The following DUSP15 variants were observed in gnomAD, a reference collection of about 807,000 sequenced individuals.
DUSP15 encodes the protein dual specificity protein phosphatase 15.
Under a neutral mutation model 26.3 loss-of-function variants are expected in DUSP15, and 23 were observed. The ratio of observed to expected loss-of-function variants is 0.87; its 90% CI spans 0.63 to 1.24. DUSP15 has a LOEUF of 1.24. Ranked by LOEUF, DUSP15 falls within the 50% of genes most tolerant of loss-of-function variation. DUSP15 has a pLI of 0.00. For synonymous variants in DUSP15, 143 were observed against 135.5 expected (o/e 1.06, Z -0.39); for missense variants, 364 against 320.6 (o/e 1.14, Z -1.03).
chr20:31,868,132 T>C (rs1362357212), intron 2 of DUSP15, among the ~76,000 whole-genome samples: 1 of 152,246 alleles, frequency 6.6e-6, no homozygotes, highest in Non-Finnish European at 1.5e-5. Flanking sequence ...CTATCTCCAC[T>C]TCCTCATTCG....
At chr20:31,846,119 GACAC>G (rs540862634), downstream of DUSP15, among the ~76,000 whole-genome samples, 118 of 108,088 alleles carry the variant, frequency 1.1e-3, 1 homozygote, top group South Asian at 0.025. Context: ...GACACACAGA[GACAC>G]ACAGACACAG....
At chr20:31,863,854 A>G in intron 5 of DUSP15, 53 bp downstream of exon 5, 1 of 1,549,996 alleles carries the variant, frequency 6.5e-7, no homozygotes, top group Non-Finnish European at 8.9e-7. Flanking sequence ...TGTTCAGCAG[A>G]GGGCACAGCC....
intron 6 of DUSP15, among the ~76,000 whole-genome samples, chr20:31,854,310 T>A (rs2062523892): frequency 6.6e-6 from 1 of 152,146 alleles, no homozygotes; most frequent in Admixed American, 6.5e-5. Context: ...GAGGCTTGAT[T>A]TTATTGTCTG....
At chr20:31,860,145 A>C (rs1293481478), downstream of DUSP15, among the ~76,000 whole-genome samples, 1 of 152,264 alleles carries the variant, frequency 6.6e-6, no homozygotes, top group African/African-American at 2.4e-5. Context: ...AGGGCCGAGC[A>C]CAATGGCTGG....
Position 31,870,135 on chromosome 20 carries a change from G to A in DUSP15, c.21+182C>T. ...AGAGGGCGGACACAGCGGGGACAGAGACGCAGGGTCAGAGAGGGGGAGACC... is the reference window on the plus strand; with the variant it reads ...AGAGGGCGGACACAGCGGGGACAGAAACGCAGGGTCAGAGAGGGGGAGACC... On this transcript the variant is annotated intron_variant, in intron 1 of 6. Transcript: ENST00000339738. This position sits in a 1 kb window ranked among gnomAD's most constrained non-coding sequence, Gnocchi z 6.6. The A allele has an allele frequency of 1.6e-6, 2 of 1,236,178 alleles. No homozygotes were observed. Among genetic ancestry groups the A allele is most frequent in the South Asian group, 7.7e-5 (2 of 25,998 alleles). The allele number at this position is 1,236,178 out of a possible 1,614,324, so 76.6% of individuals were successfully genotyped here. A position where few individuals can be genotyped will look rare whatever the true frequency, so the allele number is the denominator to read the frequency against.
intron 4 of DUSP15, 90 bp downstream of exon 4, chr20:31,864,863 A>C: frequency 1.5e-6 from 2 of 1,347,802 alleles, no homozygotes; most frequent in Non-Finnish European, 2.1e-6. Flanking sequence ...CTCTGGCCTG[A>C]GTACTTTGTC....
At chr20:31,858,595 A>G (rs1297461836), downstream of DUSP15, among the ~76,000 whole-genome samples, 1 of 152,206 alleles carries the variant, frequency 6.6e-6, no homozygotes, top group Non-Finnish European at 1.5e-5. The surrounding 1 kb of genome is among the most constrained non-coding windows in gnomAD (Gnocchi z 4.4). Context: ...GTGAGACACA[A>G]GACCCACGCA....
chr20:31,864,543 C>T (rs1600475127), intron 4 of DUSP15: 1 of 806,432 alleles, frequency 1.2e-6, no homozygotes, highest in Non-Finnish European at 1.5e-6. Flanking sequence ...TGACTCTGAT[C>T]ATGCACTCCT....
chr20:31,850,021 T>C, intron 7 of DUSP15: 1 of 899,122 alleles, frequency 1.1e-6, no homozygotes, highest in Non-Finnish European at 1.6e-6. Flanking sequence ...CTATCAGTGA[T>C]GATAAGAATT....
At chr20:31,869,643 C>T in intron 1 of DUSP15, 46 bp from the exon 2 acceptor site, 1 of 1,608,580 alleles carries the variant, frequency 6.2e-7, no homozygotes, top group Non-Finnish European at 8.5e-7. Flanking sequence ...GGCTGCACCC[C>T]CTTCCACCCC....
intron 6 of DUSP15, among the ~76,000 whole-genome samples, chr20:31,862,204 G>A (rs2062676164): frequency 6.6e-6 from 1 of 152,138 alleles, no homozygotes; most frequent in African/African-American, 2.4e-5. Flanking sequence ...GAGGGAAACT[G>A]CTGTGGTCTC....
chr20:31,861,237 G>C lies in DUSP15; in HGVS notation c.*166C>G. ...CCCGGACACAGAGACGCACAGGTTG[G>C]GGACGCTGACTGCAGACGCGGACGA... On this transcript the variant is annotated 3_prime_UTR_variant, in exon 7 of 7. Coordinates refer to ENST00000339738, the MANE Select transcript of DUSP15 (RefSeq NM_080611.5). The C allele has an allele frequency of 1.5e-6, 2 of 1,365,944 alleles. No individual in the cohort carries two copies. Among genetic ancestry groups the C allele is most frequent in the South Asian group, 3.4e-5 (2 of 57,986 alleles). 84.6% of individuals were successfully genotyped at this position (1,365,944 alleles called of 1,614,324 possible). A position where few individuals can be genotyped will look rare whatever the true frequency, so the allele number is the denominator to read the frequency against.
chr20:31,859,595 A>T (rs1240622935), downstream of DUSP15, among the ~76,000 whole-genome samples: 2 of 152,216 alleles, frequency 1.3e-5, no homozygotes, highest in African/African-American at 4.8e-5. Flanking sequence ...CTCTTGAAGC[A>T]TCTTGAAGGA....
upstream of DUSP15, chr20:31,870,551 CG>C: frequency 6.9e-7 from 1 of 1,448,448 alleles, no homozygotes; most frequent in Non-Finnish European, 9.0e-7. The surrounding 1 kb of genome is among the most constrained non-coding windows in gnomAD (Gnocchi z 6.6). Context: ...CCGCTGCCAC[CG>C]CCGCCGCCGC....
At chr20:31,845,909 CAT>C (rs1457046171), downstream of DUSP15, among the ~76,000 whole-genome samples, 1 of 151,802 alleles carries the variant, frequency 6.6e-6, no homozygotes, top group Non-Finnish European at 1.5e-5. Context: ...GAGGCAGAAA[CAT>C]ATGAAACAGA....
chr20:31,862,796 C>T (rs2062689551), intron 5 of DUSP15, 54 bp from the exon 6 acceptor site: 5 of 1,501,078 alleles, frequency 3.3e-6, no homozygotes, highest in East Asian at 2.4e-5. Flanking sequence ...GTCCTCCATG[C>T]CCCCAGGCAC....
intron 8 of DUSP15, chr20:31,849,704 C>T (rs2062432411): frequency 2.6e-6 from 4 of 1,535,664 alleles, no homozygotes; most frequent in Non-Finnish European, 3.5e-6. Flanking sequence ...CCCTGCAACA[C>T]GTGGGCGCTG....
chr20:31,846,145 GACAC>G (rs1377579163), downstream of DUSP15, among the ~76,000 whole-genome samples: 27 of 129,856 alleles, frequency 2.1e-4, no homozygotes, highest in South Asian at 9.1e-4. Context: ...CACACACACA[GACAC>G]ACACACACAG....
chr20:31,869,468 C>T, intron 2 of DUSP15, 96 bp downstream of exon 2: 4 of 1,513,072 alleles, frequency 2.6e-6, no homozygotes, highest in Non-Finnish European at 3.6e-6. Flanking sequence ...GCCCCCAACC[C>T]CATTCCTGAG....
Sources: gnomAD v4.1 joint callset for allele counts (sites outside exome capture counted in the v4.1 genomes callset) on GRCh38, gnomAD v4.1.1 for gene constraint, Gnocchi (gnomAD v3.1) non-coding constraint, MANE v1.5 for transcripts, NCBI Gene and HGNC (gene_info 2026-07-23, HGNC 2026-07-21) for gene names.